SLC6A6: variants seen among roughly 807,000 people sequenced by gnomAD.
SLC6A6 encodes solute carrier family 6 member 6, also known as sodium- and chloride-dependent taurine transporter.
In SLC6A6, 16 loss-of-function variants were observed where a neutral mutation model predicts 68.8. That is an observed-to-expected ratio of 0.23 (90% CI 0.16 to 0.35). The LOEUF (loss-of-function observed/expected upper bound fraction) is 0.35, where lower values mean the gene tolerates loss of function less well. SLC6A6 is among the 10% of genes least tolerant of loss of function. The probability of loss-of-function intolerance (pLI) is 1.00; values close to 1 mark genes in which losing one functional copy is unlikely to be tolerated. For missense variants in SLC6A6, 474 were observed against 802.8 expected, an observed-to-expected ratio of 0.59 and a Z score of 4.95; for synonymous variants, 312 against 315.4, an observed-to-expected ratio of 0.99 and a Z score of 0.12.
intron 2 of SLC6A6, among the ~76,000 whole-genome samples, chr3:14,441,999 C>G (rs1021591572): frequency 6.6e-6 from 1 of 152,218 alleles, no homozygotes; most frequent in Non-Finnish European, 1.5e-5. Context: ...GAACAAGATA[C>G]TTTCAGGTAG....
At position 14,481,270 on chromosome 3, in the gene SLC6A6, C is replaced by T. The variant is rs1701000589; in HGVS notation, c.1552-401C>T. On this transcript the variant is annotated intron_variant, in intron 13 of 14. Coordinates refer to ENST00000622186, the MANE Select transcript of SLC6A6 (RefSeq NM_003043.6). The surrounding 1 kb of genome is among the most constrained non-coding windows in gnomAD (Gnocchi z 4.7). ...TGAGAAGATGTGGGGGAAAGAGGGC[C>T]AGGCAGAGGAAACAGCCCATGCCAA... 6.6e-6 allele frequency among the ~76,000 whole-genome samples: 1 copy of T among 151,998 alleles called. No homozygotes were observed. Among genetic ancestry groups the T allele is most frequent in the African/African-American group, 2.4e-5 (1 of 41,356 alleles).
At chr3:14,453,170 A>G (rs1026755110) in intron 5 of SLC6A6, among the ~76,000 whole-genome samples, 21 of 152,234 alleles carry the variant, frequency 1.4e-4, no homozygotes, top group Non-Finnish European at 4.4e-5. Flanking sequence ...TGCAGTCAAA[A>G]GGAAACGATT....
intron 2 of SLC6A6, among the ~76,000 whole-genome samples, chr3:14,426,328 C>T (rs1014888385): frequency 1.5e-5 from 2 of 136,836 alleles, no homozygotes; most frequent in African/African-American, 3.7e-5. Flanking sequence ...GGGGTAAGTC[C>T]CCCCCCAGCC....
intron 5 of SLC6A6, chr3:14,448,082 A>C: frequency 5.0e-6 from 6 of 1,188,724 alleles, no homozygotes; most frequent in Non-Finnish European, 6.7e-6. Flanking sequence ...AGAATGAATC[A>C]TTACTACCCT....
chr3:14,440,131 C>T (rs146053958), intron 2 of SLC6A6, among the ~76,000 whole-genome samples: 1 of 151,940 alleles, frequency 6.6e-6, no homozygotes, highest in Non-Finnish European at 1.5e-5. Flanking sequence ...TCCTGTGCAC[C>T]CCCCCTCATT....
chr3:14,454,815 A>G (rs1700333837), intron 5 of SLC6A6, among the ~76,000 whole-genome samples: 1 of 152,172 alleles, frequency 6.6e-6, no homozygotes, highest in South Asian at 2.1e-4. Flanking sequence ...CCTGCCAAAA[A>G]TAGTGTGTGT....
At chr3:14,423,256 T>C (rs6770416) in intron 2 of SLC6A6, among the ~76,000 whole-genome samples, 13,129 of 152,214 alleles carry the variant, frequency 0.086, 1,711 homozygotes, top group African/African-American at 0.28. Context: ...AGACAGTGTG[T>C]CCAGGGGAGG....
At chr3:14,428,753 A>T (rs1413067998) in intron 2 of SLC6A6, among the ~76,000 whole-genome samples, 1 of 152,152 alleles carries the variant, frequency 6.6e-6, no homozygotes, top group African/African-American at 2.4e-5. Flanking sequence ...TGGTCAAGCA[A>T]TGTCACCAGA....
intron 2 of SLC6A6, 80 bp downstream of exon 2, chr3:14,416,533 C>T (rs567705772): frequency 2.8e-5 from 11 of 398,274 alleles, no homozygotes; most frequent in Admixed American, 4.4e-5. Context: ...TCAGGAGCTC[C>T]GTGTCTCCCC....
chr3:14,416,500 T>C (rs78040670), intron 2 of SLC6A6, 47 bp downstream of exon 2: 8,258 of 398,632 alleles, frequency 0.021, 106 homozygotes, highest in Middle Eastern at 0.028. Context: ...TCACACGTTG[T>C]GCAGTGACCC....
chr3:14,413,614 A>C (rs1432968944), intron 1 of SLC6A6, among the ~76,000 whole-genome samples: 1 of 151,494 alleles, frequency 6.6e-6, no homozygotes. Context: ...AGGGCTCCGC[A>C]TTCTGGGTTT....
chr3:14,436,938 G>C (rs1455998221), intron 2 of SLC6A6, among the ~76,000 whole-genome samples: 1 of 152,150 alleles, frequency 6.6e-6, no homozygotes, highest in Non-Finnish European at 1.5e-5. Flanking sequence ...CTTGCAGCTG[G>C]CTCCTTAAAG....
Position 14,445,782 on chromosome 3 carries a change from A to G in SLC6A6, c.295A>G (p.Ile99Val), listed in dbSNP as rs771266868. ...CGGCCTGCCTGTGTTTTTCTTGGAG[A>G]TCATCATAGGCCAGTACACCTCTGA... ...GSGLPVFFLE[I>V]IIGQYTSEGG... The change falls in exon 4 of 15, where the codon ATC becomes GTC. Residue 99 changes from isoleucine to valine, a missense_variant. Ile to Val is a conservative substitution (Grantham distance 29). This residue lies in a region of SLC6A6 where 280 missense variants were observed against 533.1 expected (regional missense o/e 0.53). Transcript: ENST00000622186. The G allele has an allele frequency of 7.4e-6, 12 of 1,614,058 alleles. No homozygotes were observed. Among genetic ancestry groups the G allele is most frequent in the Non-Finnish European group, 1.0e-5 (12 of 1,179,936 alleles).
intron 5 of SLC6A6, among the ~76,000 whole-genome samples, chr3:14,457,191 C>T (rs1370977030): frequency 2.0e-5 from 3 of 152,050 alleles, no homozygotes; most frequent in East Asian, 1.9e-4. Context: ...CACGCTCTGC[C>T]GTGTCATCCT....
Position 14,409,791 on chromosome 3 carries a change from T to C in SLC6A6, c.-53-6621T>C, listed in dbSNP as rs371425092. The stretch of plus-strand genomic sequence containing the variant: ...CTGTGGAGTGTGGGGACTTTGGGGT[T>C]GTGGGATCATCCAGTTAACCTTCTC... On this transcript the variant is annotated intron_variant, in intron 1 of 14. Transcript: ENST00000622186. 1.6e-3 allele frequency among the ~76,000 whole-genome samples: 247 copies of C among 152,300 alleles called. 9 individuals are homozygous for C. In the South Asian group the frequency reaches 0.045, roughly 28 times the overall value.
intron 6 of SLC6A6, among the ~76,000 whole-genome samples, chr3:14,464,723 C>CATTTG (rs1180194262): frequency 4.6e-5 from 7 of 152,196 alleles, no homozygotes; most frequent in South Asian, 2.1e-4. Context: ...TGCCCTGGCA[C>CATTTG]TGCACCCCCA....
intron 6 of SLC6A6, 66 bp from the exon 7 acceptor site, chr3:14,466,450 A>G (rs1435538250): frequency 2.0e-6 from 3 of 1,532,396 alleles, no homozygotes; most frequent in Non-Finnish European, 2.7e-6. Context: ...CCTCTCTGAG[A>G]GGATGCTCAG....
chr3:14,419,614 AC>A (rs1699442535), intron 2 of SLC6A6, among the ~76,000 whole-genome samples: 1 of 151,986 alleles, frequency 6.6e-6, no homozygotes, highest in Admixed American at 6.6e-5. Flanking sequence ...CAGGTAACCC[AC>A]CCCTGAAATG....
At chr3:14,405,492 C>T (rs986922230) in intron 1 of SLC6A6, among the ~76,000 whole-genome samples, 2 of 152,220 alleles carry the variant, frequency 1.3e-5, no homozygotes, top group Non-Finnish European at 2.9e-5. Context: ...TAAGGGCTCC[C>T]CAGAATGCAG....
Sources: gnomAD v4.1 joint callset for allele counts (sites outside exome capture counted in the v4.1 genomes callset) on GRCh38, gnomAD v4.1.1 for gene constraint, gnomAD v4.1.1 regional missense constraint, Gnocchi (gnomAD v3.1) non-coding constraint, MANE v1.5 for transcripts, NCBI Gene and HGNC (gene_info 2026-07-23, HGNC 2026-07-21) for gene names.